The following MYRIP variants were observed in gnomAD, a reference collection of about 807,000 sequenced individuals.
MYRIP encodes the protein rab effector MyRIP.
MYRIP carries 49 observed loss-of-function variants against 98.0 expected under a neutral mutation model. The observed-to-expected ratio is 0.50, with a 90% CI of 0.40 to 0.63. The LOEUF (loss-of-function observed/expected upper bound fraction) is 0.63. MYRIP is among the 30% of genes least tolerant of loss of function. MYRIP has a pLI of 0.00. For synonymous variants in MYRIP, 404 were observed against 409.5 expected (o/e 0.99, Z 0.16); for missense variants, 1,004 against 1,058.2 (o/e 0.95, Z 0.71).
At chr3:39,970,370 T>C (rs1575423979) in intron 2 of MYRIP, 1 of 152,120 alleles carries the variant, frequency 6.6e-6, no homozygotes, top group African/African-American at 2.4e-5. Context: ...AAAATAGATA[T>C]GAAGTTCATT....
intron 2 of MYRIP, among the ~76,000 whole-genome samples, chr3:39,998,335 C>CT (rs1559554603): frequency 1.3e-5 from 2 of 152,204 alleles, no homozygotes; most frequent in South Asian, 2.1e-4. Flanking sequence ...TCAGCAAAGT[C>CT]TCAGGATACA....
Position 40,250,311 on chromosome 3 carries a change from G to C in MYRIP, c.2352G>C (p.Gln784His). The C allele has an allele frequency of 6.2e-7, 1 of 1,614,082 alleles. No homozygotes were observed. The highest frequency in any genetic ancestry group is 8.5e-7 in the Non-Finnish European group (1 of 1,179,912). ...TGCGCTTCACAAGAAGACGGGATCA[G>C]AAGCAAAGGACCCAGGTGTGTTTGT... ...PCVRFTRRRD[Q>H]KQRTQVQTID... Residue 784 changes from glutamine (Q) to histidine (H), a missense_variant, in exon 14 of 17, where the codon CAG becomes CAC. Gln to His is a conservative substitution (Grantham distance 24, BLOSUM62 0). This residue lies in a region of MYRIP where 108 missense variants were observed against 111.1 expected (regional missense o/e 0.97). Coordinates refer to ENST00000302541, the MANE Select transcript of MYRIP (RefSeq NM_015460.4).
At chr3:40,165,756 TA>T (rs3063826) in intron 5 of MYRIP, among the ~76,000 whole-genome samples, 120,647 of 144,162 alleles carry the variant, frequency 0.84, 52,502 homozygotes, top group Non-Finnish European at 0.97. Context: ...TGCCATATCT[TA>T]AAAAAAAAAA....
intron 3 of MYRIP, among the ~76,000 whole-genome samples, chr3:40,114,141 T>C (rs1236016460): frequency 6.6e-6 from 1 of 152,176 alleles, no homozygotes; most frequent in African/African-American, 2.4e-5. Context: ...CATAACAACA[T>C]TTCAGTGAAC....
intron 12 of MYRIP, 116 bp downstream of exon 12, chr3:40,234,169 CCACTAT>C: frequency 9.9e-7 from 1 of 1,012,036 alleles, no homozygotes; most frequent in Non-Finnish European, 1.4e-6. Flanking sequence ...CACACCACTA[CCACTAT>C]AGCAAATACA....
At chr3:40,029,652 G>A (rs185642005) in intron 2 of MYRIP, among the ~76,000 whole-genome samples, 58 of 152,094 alleles carry the variant, frequency 3.8e-4, no homozygotes, top group Non-Finnish European at 1.0e-4. Flanking sequence ...TAAAATGTAG[G>A]GTTTAATATA....
intron 3 of MYRIP, among the ~76,000 whole-genome samples, chr3:40,069,738 C>T (rs529882223): frequency 3.9e-5 from 6 of 152,218 alleles, no homozygotes; most frequent in Middle Eastern, 3.4e-3. Context: ...GCACCAGGGA[C>T]GGGTTTTATG....
rs201159869 is a variant in MYRIP at position 40,182,231 on chromosome 3, T to G, written c.885T>G (p.Ser295=). 7 of 1,610,804 alleles carry G rather than the reference T, an allele frequency of 4.3e-6. No homozygotes were observed. The African/African-American group carries it at 9.3e-5, about 22-fold the overall frequency. ...RAPAALWRSQ[S]AFSITGEEAL... ...TTTCCTTTCCACAGAGGTCCCAGTC[T>G]GCCTTCTCAATCACTGGAGAAGAAG... Residue 295 remains serine, a synonymous_variant, in exon 9 of 17, where the codon TCT becomes TCG. Transcript: ENST00000302541.
chr3:40,256,779 G>C (rs1469565478), intron 16 of MYRIP, among the ~76,000 whole-genome samples: 1 of 151,086 alleles, frequency 6.6e-6, no homozygotes, highest in Non-Finnish European at 1.5e-5. Context: ...TTTTTTTTAA[G>C]GAACAATTCC....
At chr3:40,242,191 G>C (rs1474144906) in intron 12 of MYRIP, 1 of 152,094 alleles carries the variant, frequency 6.6e-6, no homozygotes, top group Non-Finnish European at 1.5e-5. Flanking sequence ...TCTACCTCAA[G>C]GGTTGCTATG....
At chr3:40,235,326 T>C (rs900652854) in intron 12 of MYRIP, among the ~76,000 whole-genome samples, 7 of 152,082 alleles carry the variant, frequency 4.6e-5, no homozygotes, top group African/African-American at 1.7e-4. Context: ...CATTTCTTCT[T>C]TGGAAATAAA....
chr3:39,890,960 G>A (rs1943471267), intron 1 of MYRIP, among the ~76,000 whole-genome samples: 1 of 152,056 alleles, frequency 6.6e-6, no homozygotes, highest in Non-Finnish European at 1.5e-5. Flanking sequence ...GCTTCAGGAA[G>A]CTCTCTCTGC....
At chr3:40,146,704 C>A (rs1435680018) in intron 3 of MYRIP, among the ~76,000 whole-genome samples, 1 of 152,162 alleles carries the variant, frequency 6.6e-6, no homozygotes, top group Non-Finnish European at 1.5e-5. Context: ...TGCATGAATA[C>A]ACACACACAA....
intron 2 of MYRIP, among the ~76,000 whole-genome samples, chr3:40,027,076 C>T (rs1191703404): frequency 6.6e-6 from 1 of 152,164 alleles, no homozygotes; most frequent in South Asian, 2.1e-4. Flanking sequence ...TCCAGGTGTC[C>T]TCTTGGCATT....
chr3:39,874,440 C>T (rs987200012), intron 1 of MYRIP, among the ~76,000 whole-genome samples: 1 of 151,980 alleles, frequency 6.6e-6, no homozygotes, highest in African/African-American at 2.4e-5. Context: ...GGAATGCTTC[C>T]AGTTTTTGCC....
chr3:39,946,902 A>G (rs1364305626), intron 2 of MYRIP, among the ~76,000 whole-genome samples: 2 of 152,214 alleles, frequency 1.3e-5, no homozygotes, highest in Non-Finnish European at 2.9e-5. Flanking sequence ...ATCACCCACT[A>G]GAAGATTCTA....
At position 40,197,328 on chromosome 3, in the gene MYRIP, C is replaced by T. The variant is rs547529561; in HGVS notation, c.1665+6865C>T. Among the ~76,000 whole-genome samples the T allele has an allele frequency of 8.5e-5, 13 of 152,250 alleles. No homozygotes were observed. In the East Asian group the frequency reaches 2.1e-3, roughly 25 times the overall value. On this transcript the variant is annotated intron_variant, in intron 10 of 16. Coordinates refer to ENST00000302541, the MANE Select transcript of MYRIP (RefSeq NM_015460.4). ...CTCACCTGCTGCCCACCTCCTGCTG[C>T]ACAGGCTGGTTCCTAACAGACCAAT...
chr3:40,077,825 T>C (rs540086561), intron 3 of MYRIP, among the ~76,000 whole-genome samples: 1 of 152,378 alleles, frequency 6.6e-6, no homozygotes, highest in South Asian at 2.1e-4. Flanking sequence ...TCCACCAGAC[T>C]CAGGAGCCCA....
At chr3:40,253,485 T>C (rs1288317615) in intron 16 of MYRIP, among the ~76,000 whole-genome samples, 3 of 152,092 alleles carry the variant, frequency 2.0e-5, no homozygotes, top group Admixed American at 1.3e-4. Flanking sequence ...TTAATGCAAA[T>C]AAAAACTCAA....
Sources: gnomAD v4.1 joint callset for allele counts (sites outside exome capture counted in the v4.1 genomes callset) on GRCh38, gnomAD v4.1.1 for gene constraint, gnomAD v4.1.1 regional missense constraint, MANE v1.5 for transcripts, NCBI Gene and HGNC (gene_info 2026-07-23, HGNC 2026-07-21) for gene names.